Variants in CYREN observed in about 807,000 individuals in gnomAD.
CYREN encodes the protein cell cycle regulator of NHEJ.
A neutral mutation model predicts 9.7 loss-of-function variants in CYREN; 7 were observed. The observed-to-expected ratio is 0.72, with a 90% CI of 0.41 to 1.36. The LOEUF (loss-of-function observed/expected upper bound fraction) is 1.36, where lower values mean the gene tolerates loss of function less well. Ranked by LOEUF, CYREN falls within the 40% of genes most tolerant of loss-of-function variation. CYREN has a pLI of 0.01. For synonymous variants in CYREN, 76 were observed against 77.9 expected, an observed-to-expected ratio of 0.98 and a Z score of 0.13; for missense variants, 215 against 198.1, an observed-to-expected ratio of 1.09 and a Z score of -0.51.
At position 135,128,962 on chromosome 7, in the gene CYREN, G is replaced by A. The variant is rs1828341750; in HGVS notation, n.357-34380C>T. The A allele has an allele frequency of 5.7e-6, 9 of 1,580,844 alleles. No individual in the cohort carries two copies. The South Asian group carries it at 1.0e-4, about 18-fold the overall frequency. On this transcript the variant is annotated intron_variant and non_coding_transcript_variant, in intron 2 of 2. Transcript: ENST00000459937. Reference sequence around the variant, plus strand: ...TTCTGTAAGAAGCTGGGTAGTGAATGCATGTACTTCTTGGAGTGCAGGCAT... The same window carrying A: ...TTCTGTAAGAAGCTGGGTAGTGAATACATGTACTTCTTGGAGTGCAGGCAT...
intron 2 of CYREN, among the ~76,000 whole-genome samples, chr7:135,111,335 T>C (rs937404054): frequency 2.0e-5 from 3 of 152,210 alleles, no homozygotes; most frequent in Admixed American, 6.5e-5. Flanking sequence ...CTCACTTGTA[T>C]ACTTCTCAAC....
intron 2 of CYREN, among the ~76,000 whole-genome samples, chr7:135,137,531 A>G (rs192843995): frequency 4.6e-5 from 7 of 152,136 alleles, no homozygotes; most frequent in Non-Finnish European, 7.4e-5. Context: ...CAGATCCAGA[A>G]AGCTCACAGA....
chr7:135,102,814 T>A (rs1171088849), intron 2 of CYREN, among the ~76,000 whole-genome samples: 2 of 152,044 alleles, frequency 1.3e-5, no homozygotes, highest in African/African-American at 4.8e-5. Flanking sequence ...GCTAAAATCA[T>A]AAAAACTTAT....
downstream of CYREN, among the ~76,000 whole-genome samples, chr7:135,163,399 T>C (rs998399690): frequency 4.3e-4 from 66 of 151,964 alleles, no homozygotes; most frequent in African/African-American, 1.5e-3. Context: ...CCCAGCACTT[T>C]GGGAGGCCAA....
chr7:135,104,038 G>C (rs1232420770), intron 2 of CYREN, among the ~76,000 whole-genome samples: 1 of 152,062 alleles, frequency 6.6e-6, no homozygotes, highest in Non-Finnish European at 1.5e-5. Context: ...GTACCCAATA[G>C]ATACTTTTTC....
intron 2 of CYREN, among the ~76,000 whole-genome samples, chr7:135,143,065 G>A (rs562015487): frequency 6.6e-6 from 1 of 152,270 alleles, no homozygotes; most frequent in East Asian, 1.9e-4. Flanking sequence ...ACTTACTATA[G>A]ACTGAGTGCG....
At chr7:135,143,578 A>C (rs1454354271) in intron 2 of CYREN, among the ~76,000 whole-genome samples, 1 of 152,190 alleles carries the variant, frequency 6.6e-6, no homozygotes, top group Non-Finnish European at 1.5e-5. Context: ...ATTACATGAG[A>C]TATCTCTGTA....
At chr7:135,111,250 T>G (rs2117139339) in intron 2 of CYREN, among the ~76,000 whole-genome samples, 1 of 152,298 alleles carries the variant, frequency 6.6e-6, no homozygotes, top group South Asian at 2.1e-4. Flanking sequence ...TCAATTTCCT[T>G]AGTGACATAA....
intron 2 of CYREN, among the ~76,000 whole-genome samples, chr7:135,155,716 T>C (rs1829775745): frequency 6.6e-6 from 1 of 152,134 alleles, no homozygotes; most frequent in East Asian, 1.9e-4. Context: ...CCGGGCATGG[T>C]GGCACATGTC....
In CYREN at chr7:135,117,930, T is replaced by C. The variant is rs1370888413; in HGVS notation, n.357-23348A>G. Among the ~76,000 whole-genome samples the C allele has an allele frequency of 3.3e-5, 5 of 152,312 alleles. No homozygotes were observed. The South Asian group carries it at 6.2e-4, about 19-fold the overall frequency. ...TATACTTTGGAATTGGAATGAGAGA[T>C]AGTGGATCAGTCTTGCACATGAAAC... is the stretch of plus-strand genomic sequence containing the variant. On this transcript the variant is annotated intron_variant and non_coding_transcript_variant, in intron 2 of 2. Coordinates refer to the CYREN transcript ENST00000459937.
At chr7:135,169,277 AC>A in intron 1 of CYREN, 1 of 172,734 alleles carries the variant, frequency 5.8e-6, no homozygotes, top group South Asian at 1.4e-4. Context: ...GCCAAAGCCA[AC>A]CAGAGATACC....
chr7:135,155,083 C>T (rs1167267319), intron 2 of CYREN, among the ~76,000 whole-genome samples: 1 of 152,184 alleles, frequency 6.6e-6, no homozygotes, highest in African/African-American at 2.4e-5. Context: ...CATCATTATA[C>T]AATGACCTTA....
At chr7:135,103,610 T>C (rs559696941) in intron 2 of CYREN, among the ~76,000 whole-genome samples, 4 of 152,314 alleles carry the variant, frequency 2.6e-5, no homozygotes, top group Non-Finnish European at 5.9e-5. Flanking sequence ...TGTTTTCTTA[T>C]GGTAGTCAGT....
intron 2 of CYREN, among the ~76,000 whole-genome samples, chr7:135,097,281 C>T (rs1483197600): frequency 6.6e-6 from 1 of 151,984 alleles, no homozygotes; most frequent in Non-Finnish European, 1.5e-5. Context: ...CAGATCTTAC[C>T]AACAATAATG....
intron 2 of CYREN, among the ~76,000 whole-genome samples, chr7:135,134,443 A>T (rs1829202187): frequency 6.6e-6 from 1 of 152,112 alleles, no homozygotes; most frequent in Non-Finnish European, 1.5e-5. Context: ...TATAGAAAAA[A>T]ATCTCATAGC....
chr7:135,147,910 TTG>T (rs1829579777), intron 2 of CYREN: 1 of 455,808 alleles, frequency 2.2e-6, no homozygotes, highest in African/African-American at 2.0e-5. Context: ...TTTAAATCAG[TTG>T]GTTTGCCGGC....
chr7:135,111,903 T>C (rs1825693139), intron 2 of CYREN, among the ~76,000 whole-genome samples: 2 of 152,204 alleles, frequency 1.3e-5, no homozygotes, highest in Non-Finnish European at 2.9e-5. Context: ...CTGAATTTCA[T>C]ATTCCTCTGC....
At chr7:135,159,549 C>T (rs1407374752) in intron 2 of CYREN, among the ~76,000 whole-genome samples, 1 of 152,176 alleles carries the variant, frequency 6.6e-6, no homozygotes, top group Non-Finnish European at 1.5e-5. Flanking sequence ...GGCTGTAACT[C>T]TTGAGTGACA....
rs936125405 is a variant in CYREN at position 135,160,742 on chromosome 7, A to AC, written n.356+8006_356+8007insG. Among the ~76,000 whole-genome samples, 283 of 151,904 alleles carry AC rather than the reference A, an allele frequency of 1.9e-3. 2 individuals are homozygous for AC. Among genetic ancestry groups the AC allele is most frequent in the Middle Eastern group, 3.4e-3 (1 of 294 alleles). On this transcript the variant is annotated intron_variant and non_coding_transcript_variant, in intron 2 of 2. Transcript: ENST00000459937. ...CATTTTCATTCGCTCATTTAAAAAAAAAAAACAAAAAAAAGAGCCCCTACT... is the reference window on the plus strand; with the variant it reads ...CATTTTCATTCGCTCATTTAAAAAAACAAAAACAAAAAAAAGAGCCCCTACT...
Sources: allele counts gnomAD v4.1 joint callset (sites outside exome capture counted in the v4.1 genomes callset), GRCh38; gene constraint gnomAD v4.1.1; transcripts MANE v1.5; gene names NCBI Gene and HGNC (gene_info 2026-07-23, HGNC 2026-07-21).